The following ALMS1 variants were observed in gnomAD, a reference collection of about 807,000 sequenced individuals.
ALMS1 encodes the protein centrosome-associated protein ALMS1.
In ALMS1, 271 loss-of-function variants were observed where a neutral mutation model predicts 352.2. The ratio of observed to expected loss-of-function variants is 0.77; its 90% CI spans 0.70 to 0.85. The LOEUF (loss-of-function observed/expected upper bound fraction) is 0.85, where lower values mean the gene tolerates loss of function less well. Among genes scored for constraint, ALMS1 ranks in the 40% least tolerant of loss-of-function variants. The probability of loss-of-function intolerance (pLI) is 0.00; values close to 1 mark genes in which losing one functional copy is unlikely to be tolerated. For missense variants in ALMS1, 5,445 were observed against 4,870.7 expected (o/e 1.12, Z -3.51); for synonymous variants, 1,865 against 1,761.2 (o/e 1.06, Z -1.48).
In ALMS1 at chr2:73,579,640, A is replaced by G. The variant is rs1675131942; in HGVS notation, c.11547+6216A>G. On this transcript the variant is annotated intron_variant, in intron 16 of 22. Coordinates refer to ENST00000613296, the MANE Select transcript of ALMS1 (RefSeq NM_001378454.1). ...CTCCCAAAGTCTCCTTTATTCTTAA[A>G]GTTTTGCTGGAGGTAGATTTCTTGT... is the stretch of plus-strand genomic sequence containing the variant. Among the ~76,000 whole-genome samples the G allele has an allele frequency of 2.0e-5, 3 of 152,218 alleles. No individual in the cohort carries two copies. In the South Asian group the frequency reaches 6.2e-4, roughly 32 times the overall value.
intron 9 of ALMS1, among the ~76,000 whole-genome samples, chr2:73,457,485 C>T (rs778137858): frequency 5.3e-5 from 8 of 152,104 alleles, no homozygotes; most frequent in East Asian, 1.9e-4. Flanking sequence ...TCAAGTGATC[C>T]GCCTGCCTCG....
chr2:73,392,836 T>G (rs566207877), intron 1 of ALMS1, among the ~76,000 whole-genome samples: 1 of 152,232 alleles, frequency 6.6e-6, no homozygotes, highest in South Asian at 2.1e-4. Context: ...TGTGGACATA[T>G]GGATTCATTT....
chr2:73,422,720 G>A (rs1671307966), intron 3 of ALMS1, 137 bp from the exon 4 acceptor site: 5 of 738,192 alleles, frequency 6.8e-6, no homozygotes, highest in African/African-American at 3.6e-5. Flanking sequence ...TGCTACTGCT[G>A]TTGCTTTTAT....
chr2:73,583,253 C>T (rs1404660560), intron 16 of ALMS1, among the ~76,000 whole-genome samples: 1 of 151,414 alleles, frequency 6.6e-6, no homozygotes, highest in Non-Finnish European at 1.5e-5. Flanking sequence ...GTCTCGAGCT[C>T]CTGGGCTCAA....
intron 16 of ALMS1, among the ~76,000 whole-genome samples, chr2:73,593,301 C>T (rs1375417308): frequency 1.3e-5 from 2 of 151,926 alleles, no homozygotes; most frequent in African/African-American, 4.8e-5. Flanking sequence ...ATGGATTCAA[C>T]ATCACATGGC....
chr2:73,599,176 C>CT (rs919623059), intron 16 of ALMS1, among the ~76,000 whole-genome samples: 7 of 151,868 alleles, frequency 4.6e-5, no homozygotes, highest in South Asian at 2.1e-4. Flanking sequence ...AATAGCCAGG[C>CT]TTTTTTTTGT....
At chr2:73,551,425 C>CTTT (rs372741747) in intron 13 of ALMS1, among the ~76,000 whole-genome samples, 14 of 73,690 alleles carry the variant, frequency 1.9e-4, no homozygotes, top group Non-Finnish European at 2.6e-4. Context: ...GAGTTTCAAT[C>CTTT]TTTTTTTTTT....
intron 6 of ALMS1, among the ~76,000 whole-genome samples, chr2:73,431,552 A>G (rs1399183664): frequency 1.3e-5 from 2 of 152,202 alleles, no homozygotes; most frequent in Non-Finnish European, 2.9e-5. Context: ...TTTCTTTTCT[A>G]GCAAGAACTT....
At chr2:73,566,674 A>G (rs916815224) in intron 15 of ALMS1, among the ~76,000 whole-genome samples, 4 of 152,182 alleles carry the variant, frequency 2.6e-5, no homozygotes, top group African/African-American at 9.7e-5. Flanking sequence ...CAGTTCTGAC[A>G]CTGACAACCT....
chr2:73,472,473 G>A, intron 9 of ALMS1, among the ~76,000 whole-genome samples: 1 of 152,014 alleles, frequency 6.6e-6, no homozygotes, highest in Non-Finnish European at 1.5e-5. Flanking sequence ...CTTTTGTTAT[G>A]CATATAAAAC....
At chr2:73,482,776 G>A (rs1459018696) in intron 9 of ALMS1, among the ~76,000 whole-genome samples, 1 of 151,768 alleles carries the variant, frequency 6.6e-6, no homozygotes, top group Non-Finnish European at 1.5e-5. Flanking sequence ...GGTCTATTCA[G>A]AGATTCAACT....
chr2:73,416,589 T>C (rs1671185442), intron 2 of ALMS1, among the ~76,000 whole-genome samples: 1 of 152,188 alleles, frequency 6.6e-6, no homozygotes, highest in Non-Finnish European at 1.5e-5. Flanking sequence ...TATTTGTAAA[T>C]TGTAATACAT....
rs145678202 is a variant in ALMS1, at chr2:73,557,318, G to T, written c.10177G>T (p.Ala3393Ser). 3 of 1,613,996 alleles carry T rather than the reference G, an allele frequency of 1.9e-6. No individual in the cohort carries two copies. The highest frequency in any genetic ancestry group is 2.5e-6 in the Non-Finnish European group (3 of 1,180,014). ...AAGGGCAGTGACTGAGGCTGCCCAG[G>T]CTAAAGAAAAAGAATCTTTGCAGAA... Reference protein sequence around the residue: ...STRAVTEAAQAKEKESLQKDT... With the variant: ...STRAVTEAAQSKEKESLQKDT... The change falls in exon 14 of 23, where the codon GCT becomes TCT. Residue 3393 changes from alanine to serine, a missense_variant. Physicochemically the swap from Ala to Ser is moderately conservative, Grantham distance 99. Coordinates refer to ENST00000613296, the MANE Select transcript of ALMS1 (RefSeq NM_001378454.1).
At chr2:73,552,955 A>T (rs1205375315) in intron 13 of ALMS1, among the ~76,000 whole-genome samples, 1 of 152,206 alleles carries the variant, frequency 6.6e-6, no homozygotes, top group East Asian at 1.9e-4. Context: ...CATTCAAAGC[A>T]GGTATTCTGT....
intron 16 of ALMS1, among the ~76,000 whole-genome samples, chr2:73,575,663 C>A (rs1241844297): frequency 6.6e-6 from 1 of 152,046 alleles, no homozygotes; most frequent in Non-Finnish European, 1.5e-5. Flanking sequence ...CATTTTAAAT[C>A]TGGCTGTTTG....
chr2:73,396,583 C>T (rs1572898124), intron 1 of ALMS1, among the ~76,000 whole-genome samples: 2 of 66,450 alleles, frequency 3.0e-5, no homozygotes. Context: ...CAGGATGGGG[C>T]ATAGTATTTT....
At position 73,450,000 on chromosome 2, in the gene ALMS1, C is replaced by G. The variant is rs775332482; in HGVS notation, c.3473C>G (p.Ala1158Gly). ...REKPSIFHQQ[A>G]LPGTHIPEEA... ...AAGCCCAGCATTTTCCACCAGCAGGCCTTGCCAGGTACTCATATACCTGAA... is the reference window on the plus strand; with the variant it reads ...AAGCCCAGCATTTTCCACCAGCAGGGCTTGCCAGGTACTCATATACCTGAA... Residue 1158 changes from alanine to glycine, a missense_variant, in exon 8 of 23, where the codon GCC (alanine) becomes GGC (glycine). Ala to Gly is a moderately conservative substitution (Grantham distance 60, BLOSUM62 0). Transcript: ENST00000613296. 2 of 1,613,876 alleles carry G rather than the reference C, an allele frequency of 1.2e-6. No homozygotes were observed. Among genetic ancestry groups the G allele is most frequent in the East Asian group, 4.5e-5 (2 of 44,858 alleles).
In ALMS1 at chr2:73,490,015, C is replaced by T; in HGVS notation, c.8056C>T (p.Pro2686Ser). ...MDPWLSELVE[P>S]AFVPPKEVDF... is the part of the protein sequence containing the mutation. ...CCCTTGGCTGTCAGAATTAGTAGAA[C>T]CTGCTTTTGTGCCACCTAAAGAAGT... The change falls in exon 10 of 23, where the codon CCT becomes TCT. Residue 2686 changes from proline (P) to serine (S), a missense_variant. Transcript: ENST00000613296. The T allele has an allele frequency of 6.2e-7, 1 of 1,614,224 alleles. No homozygotes were observed. The highest frequency in any genetic ancestry group is 1.3e-5 in the African/African-American group (1 of 75,066).
At chr2:73,561,086 C>G (rs550063369) in intron 15 of ALMS1, among the ~76,000 whole-genome samples, 1 of 152,352 alleles carries the variant, frequency 6.6e-6, no homozygotes, top group East Asian at 1.9e-4. Context: ...GTAACAGGTT[C>G]ATAACTCAGG....
Sources: gnomAD v4.1 joint callset for allele counts (sites outside exome capture counted in the v4.1 genomes callset) on GRCh38, gnomAD v4.1.1 for gene constraint, MANE v1.5 for transcripts, NCBI Gene and HGNC (gene_info 2026-07-23, HGNC 2026-07-21) for gene names.